Variants in WDR86 observed in about 807,000 individuals in gnomAD.
WDR86 encodes the protein WD repeat domain 86.
A neutral mutation model predicts 36.5 loss-of-function variants in WDR86; 30 were observed. The ratio of observed to expected loss-of-function variants is 0.82; its 90% CI spans 0.61 to 1.11. WDR86 has a LOEUF of 1.11. Ranked by LOEUF, WDR86 falls within the 50% of genes most tolerant of loss-of-function variation. The pLI, the probability that WDR86 is intolerant of heterozygous loss-of-function variation, is 0.00. For synonymous variants in WDR86, 255 were observed against 252.9 expected (o/e 1.01, Z -0.08); for missense variants, 545 against 561.2 (o/e 0.97, Z 0.29).
intron 2 of WDR86, among the ~76,000 whole-genome samples, chr7:151,397,860 A>T (rs1799981213): frequency 6.7e-6 from 1 of 148,830 alleles, no homozygotes; most frequent in African/African-American, 2.5e-5. Context: ...GGAAGGGTGT[A>T]GCGGGAGGCC....
intron 1 of WDR86, among the ~76,000 whole-genome samples, chr7:151,403,595 A>G (rs1387056382): frequency 6.6e-6 from 1 of 152,186 alleles, no homozygotes; most frequent in Non-Finnish European, 1.5e-5. Flanking sequence ...GCCTCCCTGG[A>G]GGGCATATAC....
exon 2 of WDR86, chr7:151,375,962 T>G (rs751159565): frequency 9.7e-6 from 15 of 1,543,018 alleles, no homozygotes; most frequent in South Asian, 7.8e-5. Context: ...CAGGCCTTTG[T>G]GCCCTCAGCT....
intron 3 of WDR86, among the ~76,000 whole-genome samples, chr7:151,387,676 C>A (rs740513): frequency 6.6e-6 from 1 of 152,006 alleles, no homozygotes; most frequent in African/African-American, 2.4e-5. Flanking sequence ...CCTCCCCGGG[C>A]TCCAAGGGAG....
chr7:151,373,573 G>T (rs972809736), downstream of WDR86, among the ~76,000 whole-genome samples: 9 of 152,236 alleles, frequency 5.9e-5, no homozygotes, highest in African/African-American at 2.2e-4. Context: ...GAAGGCCCTG[G>T]AGTCCTTGCT....
chr7:151,372,328 G>A (rs565187594), downstream of WDR86, among the ~76,000 whole-genome samples: 12 of 152,318 alleles, frequency 7.9e-5, no homozygotes, highest in African/African-American at 2.9e-4. Flanking sequence ...TCTCACATGT[G>A]TTTACATGAT....
chr7:151,374,883 T>TG (rs1200005927), downstream of WDR86, among the ~76,000 whole-genome samples: 2 of 152,038 alleles, frequency 1.3e-5, no homozygotes, highest in Admixed American at 6.5e-5. Flanking sequence ...GCACACGTGG[T>TG]GAGGGGTCCC....
At chr7:151,397,479 A>G (rs1799905943) in intron 2 of WDR86, among the ~76,000 whole-genome samples, 1 of 152,230 alleles carries the variant, frequency 6.6e-6, no homozygotes, top group Non-Finnish European at 1.5e-5. Flanking sequence ...GCTGGAGCGC[A>G]GTGGCACGAT....
At chr7:151,376,957 A>T (rs926999217), downstream of WDR86, 1 of 1,414,646 alleles carries the variant, frequency 7.1e-7, no homozygotes, top group African/African-American at 1.4e-5. Flanking sequence ...GTGGCCAGCA[A>T]GAGGCACAGT....
chr7:151,378,978 A>G (rs1322864868), downstream of WDR86, among the ~76,000 whole-genome samples: 1 of 152,206 alleles, frequency 6.6e-6, no homozygotes, highest in African/African-American at 2.4e-5. Context: ...CCCTCCAGGC[A>G]TGGAGACTTG....
chr7:151,409,737 A>T lies in WDR86; in HGVS notation c.-148T>A. The T allele has an allele frequency of 7.7e-7, 1 of 1,300,154 alleles. No individual in the cohort carries two copies. Among genetic ancestry groups the T allele is most frequent in the South Asian group, 2.4e-5 (1 of 41,422 alleles). The allele number at this position is 1,300,154 out of a possible 1,614,324, so 80.5% of individuals were successfully genotyped here. A position where few individuals can be genotyped will look rare whatever the true frequency, so the allele number is the denominator to read the frequency against. ...TCCTGCGGAGGCACGCGGCGAGGGG[A>T]GGGTGAAGGACCCTAGCTCCCCGCT... On this transcript the variant is annotated 5_prime_UTR_variant, in exon 1 of 6. Transcript: ENST00000334493. This position sits in a 1 kb window ranked among gnomAD's most constrained non-coding sequence, Gnocchi z 5.2.
chr7:151,386,604 C>T (rs1798999882), intron 3 of WDR86, among the ~76,000 whole-genome samples: 1 of 152,202 alleles, frequency 6.6e-6, no homozygotes. Context: ...CATTCCTGCA[C>T]TCAGACCTCA....
downstream of WDR86, chr7:151,374,308 C>T: frequency 2.0e-6 from 3 of 1,521,722 alleles, no homozygotes; most frequent in Non-Finnish European, 2.7e-6. Flanking sequence ...GAGCTCCCTC[C>T]ATGGCTCTCC....
downstream of WDR86, chr7:151,377,380 A>T (rs528109970): frequency 3.8e-6 from 2 of 530,240 alleles, no homozygotes; most frequent in African/African-American, 3.9e-5. Flanking sequence ...GAGGGGTCCC[A>T]GGGCCTTCAT....
intron 2 of WDR86, among the ~76,000 whole-genome samples, chr7:151,398,591 A>G (rs545531118): frequency 1.1e-4 from 17 of 147,936 alleles, no homozygotes; most frequent in African/African-American, 4.1e-4. Flanking sequence ...GTGTATGTGT[A>G]TATGTATGTG....
rs1199810340 is a variant in WDR86 at position 151,396,155 on chromosome 7, T to C, written c.347A>G (p.Asp116Gly). 1 of 1,612,714 alleles carries C rather than the reference T, an allele frequency of 6.2e-7. No homozygotes were observed. Among genetic ancestry groups the C allele is most frequent in the Non-Finnish European group, 8.5e-7 (1 of 1,179,860 alleles). The change falls in exon 3 of 6, where the codon GAC (aspartate) becomes GGC (glycine). Residue 116 changes from aspartate (D) to glycine (G), a missense_variant. Asp to Gly is a moderately conservative substitution (Grantham distance 94). Transcript: ENST00000334493. ...ANNQLFSSSY[D>G]RTARVWSVDK... ...CACACTCCAGACCCGAGCTGTCCGGTCATAGGAGCTGCTGAAGAGCTGGTT... is the reference window on the plus strand; with the variant it reads ...CACACTCCAGACCCGAGCTGTCCGGCCATAGGAGCTGCTGAAGAGCTGGTT...
intron 2 of WDR86, among the ~76,000 whole-genome samples, chr7:151,398,092 TG>T (rs1800000229): frequency 2.0e-5 from 3 of 152,306 alleles, no homozygotes; most frequent in East Asian, 3.9e-4. Context: ...TGTGTGTGTT[TG>T]TATATGTTGT....
chr7:151,400,370 T>A, intron 1 of WDR86, 129 bp from the exon 2 acceptor site: 2 of 1,033,592 alleles, frequency 1.9e-6, no homozygotes, highest in Non-Finnish European at 2.7e-6. Flanking sequence ...TGGAGTCAAT[T>A]AGCATTAGTT....
Position 151,405,328 on chromosome 7 carries a change from C to A in WDR86, c.163+4099G>T, listed in dbSNP as rs1225360060. On this transcript the variant is annotated intron_variant, in intron 1 of 5. Coordinates refer to ENST00000334493, the MANE Select transcript of WDR86 (RefSeq NM_198285.3). This position sits in a 1 kb window ranked among gnomAD's most constrained non-coding sequence, Gnocchi z 4.7. ...CCTCAGGCTGGCTGTGGCCATCCAA[C>A]CTGGAAGGAAGCCCTCTCAGCTGTT... Among the ~76,000 whole-genome samples, 1 of 152,162 alleles carries A rather than the reference C, an allele frequency of 6.6e-6. No homozygotes were observed. The highest frequency in any genetic ancestry group is 2.4e-5 in the African/African-American group (1 of 41,438).
Position 151,385,311 on chromosome 7 carries a change from G to A in WDR86, c.727-88C>T, listed in dbSNP as rs778098478. On this transcript the variant is annotated intron_variant, in intron 3 of 5. Transcript: ENST00000334493. ...CTCTATAAGGGGGGAAGGGGCATGT[G>A]CAGGTCTCAGTGGTGAAACCATGGG... 40 of 1,567,306 alleles carry A rather than the reference G, an allele frequency of 2.6e-5. 1 individual carries two copies. The South Asian group carries it at 4.3e-4, about 17-fold the overall frequency.
Sources: allele counts gnomAD v4.1 joint callset (sites outside exome capture counted in the v4.1 genomes callset), GRCh38; gene constraint gnomAD v4.1.1; non-coding constraint Gnocchi (gnomAD v3.1); transcripts MANE v1.5; gene names NCBI Gene and HGNC (gene_info 2026-07-23, HGNC 2026-07-21).